CTNNA2: variants seen among roughly 807,000 people sequenced by gnomAD.
CTNNA2 encodes the protein catenin alpha-2.
CTNNA2 carries 42 observed loss-of-function variants against 101.0 expected under a neutral mutation model. The observed-to-expected ratio is 0.42, with a 90% CI of 0.32 to 0.54. The LOEUF (loss-of-function observed/expected upper bound fraction) is 0.54. Ranked by LOEUF, CTNNA2 falls within the 20% of genes least tolerant of loss-of-function variation. The probability of loss-of-function intolerance (pLI) is 0.14; values close to 1 mark genes in which losing one functional copy is unlikely to be tolerated. For missense variants in CTNNA2, 871 were observed against 1,223.1 expected (o/e 0.71, Z 4.29); for synonymous variants, 450 against 456.4 (o/e 0.99, Z 0.18).
At chr2:79,240,266 T>C (rs1674610476) in intron 2 of CTNNA2, among the ~76,000 whole-genome samples, 1 of 151,970 alleles carries the variant, frequency 6.6e-6, no homozygotes, top group South Asian at 2.1e-4. Flanking sequence ...CAGATGTTTC[T>C]ATAGGTAAAC....
chr2:79,282,562 C>T (rs552444044), intron 2 of CTNNA2, among the ~76,000 whole-genome samples: 1 of 150,164 alleles, frequency 6.7e-6, no homozygotes, highest in South Asian at 2.2e-4. Context: ...CCAATTTCAT[C>T]CATGTCCCTA....
chr2:80,010,353 T>C (rs1267439489), intron 7 of CTNNA2, among the ~76,000 whole-genome samples: 1 of 152,138 alleles, frequency 6.6e-6, no homozygotes, highest in Non-Finnish European at 1.5e-5. Context: ...AGGGTCTCAC[T>C]CTGTTGCCCA....
At chr2:80,433,528 C>T (rs181451728) in intron 9 of CTNNA2, among the ~76,000 whole-genome samples, 111 of 152,108 alleles carry the variant, frequency 7.3e-4, no homozygotes, top group Middle Eastern at 3.4e-3. Context: ...GTCAAAAGTT[C>T]AGACAAGCAG....
chr2:79,190,915 C>A (rs971857162), intron 1 of CTNNA2, among the ~76,000 whole-genome samples: 5 of 152,168 alleles, frequency 3.3e-5, no homozygotes, highest in African/African-American at 1.2e-4. Context: ...TCTCTTCCTG[C>A]CATCTTCTCA....
chr2:79,869,107 A>G (rs1473895462), intron 4 of CTNNA2, among the ~76,000 whole-genome samples: 1 of 152,188 alleles, frequency 6.6e-6, no homozygotes, highest in African/African-American at 2.4e-5. Flanking sequence ...GAAATTCACA[A>G]TTCAGGTCCA....
intron 7 of CTNNA2, among the ~76,000 whole-genome samples, chr2:80,299,986 C>CTAAAAAAG (rs1419519574): frequency 6.6e-6 from 1 of 152,084 alleles, no homozygotes; most frequent in Non-Finnish European, 1.5e-5. Flanking sequence ...AAAGGTATGC[C>CTAAAAAAG]GTCTTCTAGA....
chr2:79,558,087 A>G (rs1674553559), intron 1 of CTNNA2, among the ~76,000 whole-genome samples: 1 of 151,952 alleles, frequency 6.6e-6, no homozygotes, highest in Non-Finnish European at 1.5e-5. Flanking sequence ...GATTATCAGC[A>G]TATTCTAGTT....
At chr2:79,314,726 G>A (rs1384858755) in intron 3 of CTNNA2, among the ~76,000 whole-genome samples, 1 of 152,196 alleles carries the variant, frequency 6.6e-6, no homozygotes. Flanking sequence ...AGTGTGATCA[G>A]TTTATCTTGC....
intron 7 of CTNNA2, among the ~76,000 whole-genome samples, chr2:80,140,609 A>G (rs1289673063): frequency 6.6e-6 from 1 of 152,192 alleles, no homozygotes; most frequent in Non-Finnish European, 1.5e-5. Flanking sequence ...TGCAGTCATA[A>G]ATGTCTGTCA....
chr2:79,858,064 C>T lies in CTNNA2; in HGVS notation c.350C>T (p.Ser117Leu). The change falls in exon 4 of 19, where the codon TCG (serine) becomes TTG (leucine). Residue 117 changes from serine to leucine, a missense_variant. By Grantham distance (145) the Ser-to-Leu change is moderately radical (BLOSUM62 -2). Coordinates refer to ENST00000402739, the MANE Select transcript of CTNNA2 (RefSeq NM_001282597.3). ...GAGTTTGCAGATGACCCTTGCTCGT[C>T]GGTAAAGCGCGGCACCATGGTACGG... The part of the protein sequence containing the change: ...SSEFADDPCS[S>L]VKRGTMVRAA... The T allele has an allele frequency of 1.2e-6, 2 of 1,613,926 alleles. No individual in the cohort carries two copies. The highest frequency in any genetic ancestry group is 2.2e-5 in the East Asian group (1 of 44,882).
chr2:79,713,388 G>T (rs1486516670), intron 2 of CTNNA2, among the ~76,000 whole-genome samples: 2 of 152,214 alleles, frequency 1.3e-5, no homozygotes, highest in African/African-American at 2.4e-5. Context: ...TGAGGTTGCA[G>T]TGAGCTGTGA....
chr2:80,448,509 C>T (rs995577705), intron 9 of CTNNA2, among the ~76,000 whole-genome samples: 1 of 152,158 alleles, frequency 6.6e-6, no homozygotes, highest in African/African-American at 2.4e-5. Flanking sequence ...TGAGGAACTT[C>T]AAAAACTCCA....
At chr2:79,599,013 T>A (rs1322772360) in intron 1 of CTNNA2, among the ~76,000 whole-genome samples, 1 of 152,224 alleles carries the variant, frequency 6.6e-6, no homozygotes, top group Non-Finnish European at 1.5e-5. Context: ...CCGCTTTTTT[T>A]AATGTGAATA....
At chr2:80,460,729 C>T (rs1399539259) in intron 9 of CTNNA2, among the ~76,000 whole-genome samples, 2 of 152,114 alleles carry the variant, frequency 1.3e-5, no homozygotes, top group Non-Finnish European at 2.9e-5. Flanking sequence ...TGGTTTGCAA[C>T]TTGCTTTTCT....
intron 7 of CTNNA2, among the ~76,000 whole-genome samples, chr2:79,932,030 T>C (rs1044790985): frequency 6.6e-6 from 1 of 152,170 alleles, no homozygotes; most frequent in Non-Finnish European, 1.5e-5. Context: ...TCTCACACCT[T>C]CAGATTCTTT....
chr2:79,424,316 T>C (rs1470839945), intron 4 of CTNNA2, among the ~76,000 whole-genome samples: 1 of 152,174 alleles, frequency 6.6e-6, no homozygotes, highest in East Asian at 1.9e-4. Flanking sequence ...AACATTCTTA[T>C]GTCCTGGAAT....
chr2:79,288,332 G>A (rs1675682530), intron 2 of CTNNA2, among the ~76,000 whole-genome samples: 1 of 152,212 alleles, frequency 6.6e-6, no homozygotes, highest in East Asian at 1.9e-4. Flanking sequence ...ATCCATCTCT[G>A]CATAGTAAAC....
intron 9 of CTNNA2, among the ~76,000 whole-genome samples, chr2:80,484,499 C>G (rs1174192109): frequency 2.0e-5 from 3 of 152,104 alleles, no homozygotes; most frequent in African/African-American, 7.2e-5. Context: ...GTAAACAAAC[C>G]TCTGATGCAT....
At chr2:79,647,660 A>G (rs971879989) in intron 1 of CTNNA2, among the ~76,000 whole-genome samples, 3 of 152,230 alleles carry the variant, frequency 2.0e-5, no homozygotes, top group Admixed American at 1.3e-4. Flanking sequence ...AGTATATGAT[A>G]AATACTTGAA....
Sources: allele counts gnomAD v4.1 joint callset (sites outside exome capture counted in the v4.1 genomes callset), GRCh38; gene constraint gnomAD v4.1.1; transcripts MANE v1.5; gene names NCBI Gene and HGNC (gene_info 2026-07-23, HGNC 2026-07-21).